Variants in NCKAP5 observed in about 807,000 individuals in gnomAD.
The protein encoded by NCKAP5 is nck-associated protein 5.
NCKAP5 carries 92 observed loss-of-function variants against 167.0 expected under a neutral mutation model. The observed-to-expected ratio is 0.55, with a 90% CI of 0.47 to 0.66. The LOEUF (loss-of-function observed/expected upper bound fraction) is 0.66, where lower values mean the gene tolerates loss of function less well. Ranked by LOEUF, NCKAP5 falls within the 30% of genes least tolerant of loss-of-function variation. NCKAP5 has a pLI of 0.00. For missense variants in NCKAP5, 2,378 were observed against 2,315.0 expected, an observed-to-expected ratio of 1.03 and a Z score of -0.56; for synonymous variants, 891 against 877.4, an observed-to-expected ratio of 1.02 and a Z score of -0.27.
intron 3 of NCKAP5, among the ~76,000 whole-genome samples, chr2:133,445,987 T>C (rs928079548): frequency 6.6e-6 from 1 of 152,116 alleles, no homozygotes; most frequent in Admixed American, 6.5e-5. Context: ...GTGGTGGTGG[T>C]TTCAAATGAA....
intron 11 of NCKAP5, among the ~76,000 whole-genome samples, chr2:132,801,418 T>C (rs1013941724): frequency 2.2e-4 from 33 of 152,328 alleles, no homozygotes; most frequent in African/African-American, 7.5e-4. Flanking sequence ...ATATGTCATA[T>C]GTGTACATAG....
the NCKAP5 span, among the ~76,000 whole-genome samples, chr2:133,627,685 CA>C: frequency 6.8e-6 from 1 of 147,946 alleles, no homozygotes; most frequent in Non-Finnish European, 1.5e-5. Flanking sequence ...CTCTGTGCCT[CA>C]AAAAAAAAGA....
At chr2:133,296,637 T>C (rs1428765375) in intron 4 of NCKAP5, among the ~76,000 whole-genome samples, 2 of 152,220 alleles carry the variant, frequency 1.3e-5, no homozygotes, top group East Asian at 1.9e-4. Flanking sequence ...CAATATAATA[T>C]TCCAGACACC....
At chr2:132,981,212 T>C (rs1360448449) in intron 7 of NCKAP5, among the ~76,000 whole-genome samples, 1 of 152,222 alleles carries the variant, frequency 6.6e-6, no homozygotes, top group African/African-American at 2.4e-5. Flanking sequence ...GCTCTTCGTT[T>C]AAACAAATGA....
At chr2:133,121,419 T>C (rs12621765) in intron 6 of NCKAP5, among the ~76,000 whole-genome samples, 17,532 of 152,016 alleles carry the variant, frequency 0.12, 1,247 homozygotes, top group East Asian at 0.37. Flanking sequence ...TGGAAAAAGA[T>C]AAAGGTTGAG....
intron 6 of NCKAP5, among the ~76,000 whole-genome samples, chr2:133,089,029 C>T (rs1017905619): frequency 1.3e-5 from 2 of 152,118 alleles, no homozygotes; most frequent in African/African-American, 4.8e-5. Context: ...GATGCAGAGA[C>T]AAATTACAGA....
intron 6 of NCKAP5, among the ~76,000 whole-genome samples, chr2:133,038,776 T>TA (rs907592173): frequency 1.3e-5 from 2 of 151,526 alleles, no homozygotes; most frequent in African/African-American, 2.4e-5. Context: ...CCAGAAAAAT[T>TA]AAAAAAAATA....
chr2:133,665,580 A>G, the NCKAP5 span, among the ~76,000 whole-genome samples: 1 of 152,218 alleles, frequency 6.6e-6, no homozygotes, highest in Non-Finnish European at 1.5e-5. Flanking sequence ...AAATAGTAAT[A>G]ATTTAAAAGT....
chr2:132,687,788 A>G (rs1686160106), intron 19 of NCKAP5, among the ~76,000 whole-genome samples: 1 of 151,480 alleles, frequency 6.6e-6, no homozygotes, highest in Non-Finnish European at 1.5e-5. Flanking sequence ...GGATAGCTAT[A>G]GAAATTTCAT....
At chr2:133,033,528 A>C (rs769216504) in intron 6 of NCKAP5, among the ~76,000 whole-genome samples, 13 of 152,220 alleles carry the variant, frequency 8.5e-5, no homozygotes, top group Non-Finnish European at 1.6e-4. Context: ...GGAACCAGAG[A>C]CCAAACTTGG....
intron 5 of NCKAP5, among the ~76,000 whole-genome samples, chr2:133,179,987 G>A (rs2084659468): frequency 6.6e-6 from 1 of 151,890 alleles, no homozygotes; most frequent in Admixed American, 6.6e-5. Context: ...AAGAAACAGA[G>A]TAAACCCCAA....
In NCKAP5 at chr2:133,385,115, G is replaced by T. The variant is rs184417481; in HGVS notation, c.70-82005C>A. ...AGGAGTGGTGAGAGAGGGCATCCCT[G>T]TCTTGTGCCAGTTTTCAAAGGGAAT... On this transcript the variant is annotated intron_variant, in intron 3 of 19. Coordinates refer to ENST00000409261, the MANE Select transcript of NCKAP5 (RefSeq NM_207363.3). 2.4e-3 allele frequency among the ~76,000 whole-genome samples: 372 copies of T among 152,276 alleles called. 4 individuals are homozygous for T. The highest frequency in any genetic ancestry group is 8.5e-3 in the African/African-American group (353 of 41,552).
intron 3 of NCKAP5, among the ~76,000 whole-genome samples, chr2:133,370,694 G>T (rs1685745996): frequency 6.7e-6 from 1 of 150,002 alleles, no homozygotes; most frequent in Non-Finnish European, 1.5e-5. Flanking sequence ...AAAAAGTTTG[G>T]CTAACGTATT....
At chr2:133,059,674 A>C (rs79871838) in intron 6 of NCKAP5, among the ~76,000 whole-genome samples, 1 of 145,286 alleles carries the variant, frequency 6.9e-6, no homozygotes. Flanking sequence ...ATGCTATTTC[A>C]AAAAAAAAAA....
chr2:132,775,398 T>C (rs1682462686), intron 15 of NCKAP5, among the ~76,000 whole-genome samples: 1 of 152,220 alleles, frequency 6.6e-6, no homozygotes, highest in Non-Finnish European at 1.5e-5. Context: ...CAAGAGAGTA[T>C]GTAAATGGCT....
intron 8 of NCKAP5, among the ~76,000 whole-genome samples, chr2:132,959,692 C>A (rs892053679): frequency 6.6e-6 from 1 of 152,098 alleles, no homozygotes; most frequent in Admixed American, 6.6e-5. Context: ...GCCAGTGGAT[C>A]CTGGAGGGCA....
At chr2:133,084,908 A>G (rs894166687) in intron 6 of NCKAP5, among the ~76,000 whole-genome samples, 2 of 152,200 alleles carry the variant, frequency 1.3e-5, no homozygotes, top group African/African-American at 4.8e-5. Flanking sequence ...AGTAAATCCA[A>G]ATATGATCTT....
At chr2:133,182,103 T>C (rs2084763723) in intron 5 of NCKAP5, among the ~76,000 whole-genome samples, 3 of 151,886 alleles carry the variant, frequency 2.0e-5, no homozygotes, top group African/African-American at 7.3e-5. Context: ...GGAAAATATG[T>C]GAAATGGAAC....
intron 11 of NCKAP5, among the ~76,000 whole-genome samples, chr2:132,821,032 C>G (rs1005724326): frequency 3.3e-5 from 5 of 152,134 alleles, no homozygotes; most frequent in Admixed American, 6.5e-5. Flanking sequence ...GGAGAGGAGA[C>G]AGGGTGAATG....
Sources: gnomAD v4.1 joint callset for allele counts (sites outside exome capture counted in the v4.1 genomes callset) on GRCh38, gnomAD v4.1.1 for gene constraint, MANE v1.5 for transcripts, NCBI Gene and HGNC (gene_info 2026-07-23, HGNC 2026-07-21) for gene names.